TCEA3: variants seen among roughly 807,000 people sequenced by gnomAD.
The protein encoded by TCEA3 is transcription elongation factor A protein 3.
TCEA3 carries 36 observed loss-of-function variants against 44.0 expected under a neutral mutation model. The observed-to-expected ratio is 0.82, with a 90% CI of 0.63 to 1.08. The LOEUF is 1.08. TCEA3 is among the 50% of genes least tolerant of loss of function. The probability of loss-of-function intolerance (pLI) is 0.00; values close to 1 mark genes in which losing one functional copy is unlikely to be tolerated. For missense variants in TCEA3, 392 were observed against 441.2 expected (o/e 0.89, Z 1.00); for synonymous variants, 162 against 159.7 (o/e 1.01, Z -0.11).
chr1:23,420,326 C>G (rs983516467), intron 1 of TCEA3, among the ~76,000 whole-genome samples: 1 of 152,170 alleles, frequency 6.6e-6, no homozygotes, highest in African/African-American at 2.4e-5. Context: ...ACTGCAGCTT[C>G]GACTTTCCAG....
chr1:23,397,027 A>G (rs886305481), intron 7 of TCEA3, among the ~76,000 whole-genome samples: 11 of 145,664 alleles, frequency 7.6e-5, no homozygotes, highest in South Asian at 2.2e-4. Flanking sequence ...AAAAAAAAAA[A>G]GGGCGCTGTT....
chr1:23,414,385 TG>T (rs1179700357), intron 4 of TCEA3, among the ~76,000 whole-genome samples: 1 of 148,968 alleles, frequency 6.7e-6, no homozygotes, highest in East Asian at 2.0e-4. Flanking sequence ...CCACCGTGCC[TG>T]GCCCTTATCT....
chr1:23,406,809 AC>A (rs1260857416), intron 5 of TCEA3, among the ~76,000 whole-genome samples: 1 of 152,050 alleles, frequency 6.6e-6, no homozygotes, highest in Non-Finnish European at 1.5e-5. Context: ...TTTAGTGCAG[AC>A]GGGGTTTTGC....
intron 7 of TCEA3, among the ~76,000 whole-genome samples, chr1:23,395,637 C>T (rs1291507502): frequency 1.3e-5 from 2 of 152,020 alleles, no homozygotes; most frequent in East Asian, 1.9e-4. Flanking sequence ...ACCAGCCTGG[C>T]CAACATGGTG....
chr1:23,415,324 C>CT (rs919613434), intron 4 of TCEA3, among the ~76,000 whole-genome samples: 3 of 152,114 alleles, frequency 2.0e-5, no homozygotes, highest in Non-Finnish European at 4.4e-5. Context: ...CGCCCAGCCT[C>CT]TTTACTGTTC....
At position 23,424,717 on chromosome 1, in the gene TCEA3, C is replaced by T; in HGVS notation, c.-84G>A. The T allele has an allele frequency of 9.4e-7, 1 of 1,065,044 alleles. No homozygotes were observed. Among genetic ancestry groups the T allele is most frequent in the South Asian group, 1.4e-5 (1 of 70,848 alleles). The allele number at this position is 1,065,044 out of a possible 1,614,324, so 66.0% of individuals were successfully genotyped here. A position where few individuals can be genotyped will look rare whatever the true frequency, so the allele number is the denominator to read the frequency against. The stretch of plus-strand genomic sequence containing the variant: ...GCAGGAGGCGCGAAGGCGGAGGGCG[C>T]GCAACCCGCGCGGGCCCCAAACACA... On this transcript the variant is annotated 5_prime_UTR_variant, in exon 1 of 11. Transcript: ENST00000450454.
At chr1:23,405,705 T>C (rs534581047) in intron 5 of TCEA3, among the ~76,000 whole-genome samples, 19 of 152,186 alleles carry the variant, frequency 1.2e-4, no homozygotes, top group Non-Finnish European at 2.8e-4. Context: ...CAGATTCTGT[T>C]TGACTGACCT....
chr1:23,401,719 C>T lies in TCEA3; in HGVS notation c.444-3764G>A, dbSNP rs1185790709. ...AGAGGGACTTTTCAAAAATTCACAG[C>T]GGATCAAGTCACTCCCCTGCCTCTA... On this transcript the variant is annotated intron_variant, in intron 5 of 10. Coordinates refer to ENST00000450454, the MANE Select transcript of TCEA3 (RefSeq NM_003196.3). Among the ~76,000 whole-genome samples the T allele has an allele frequency of 3.3e-5, 5 of 152,224 alleles. No homozygotes were observed. The South Asian group carries it at 6.2e-4, about 19-fold the overall frequency.
intron 9 of TCEA3, 94 bp from the exon 10 acceptor site, chr1:23,384,511 G>A: frequency 2.3e-6 from 3 of 1,326,832 alleles, no homozygotes; most frequent in African/African-American, 1.5e-5. Context: ...AAATCCCAGA[G>A]GTTGGCACTG....
At chr1:23,385,129 T>C (rs1638795664) in intron 9 of TCEA3, among the ~76,000 whole-genome samples, 1 of 152,202 alleles carries the variant, frequency 6.6e-6, no homozygotes. Flanking sequence ...AGGAACCGGG[T>C]ATCCCACAGT....
chr1:23,407,020 C>A (rs1639563407), intron 5 of TCEA3, among the ~76,000 whole-genome samples: 1 of 152,202 alleles, frequency 6.6e-6, no homozygotes, highest in African/African-American at 2.4e-5. Flanking sequence ...GAATGACTAA[C>A]ACACGCCTCA....
intron 7 of TCEA3, among the ~76,000 whole-genome samples, chr1:23,394,554 T>C (rs2148555547): frequency 6.6e-6 from 1 of 152,334 alleles, no homozygotes; most frequent in East Asian, 1.9e-4. Context: ...GCCACATGTT[T>C]AAGGCTCTAC....
intron 5 of TCEA3, among the ~76,000 whole-genome samples, chr1:23,400,630 T>G (rs1639371451): frequency 1.3e-5 from 2 of 152,120 alleles, no homozygotes; most frequent in South Asian, 2.1e-4. Context: ...CACCTCCTTT[T>G]TCAATAACCC....
At chr1:23,420,306 A>G (rs1640020728) in intron 1 of TCEA3, among the ~76,000 whole-genome samples, 1 of 152,200 alleles carries the variant, frequency 6.6e-6, no homozygotes, top group African/African-American at 2.4e-5. Flanking sequence ...CAGTGGCACA[A>G]TCACAGTTCA....
chr1:23,383,992 A>T, intron 10 of TCEA3: 1 of 1,112,392 alleles, frequency 9.0e-7, no homozygotes, highest in Non-Finnish European at 1.1e-6. Flanking sequence ...CATCTGTGGA[A>T]GCACTTTCCA....
chr1:23,387,731 T>G (rs915101974), intron 8 of TCEA3, among the ~76,000 whole-genome samples: 2 of 152,208 alleles, frequency 1.3e-5, no homozygotes, highest in African/African-American at 4.8e-5. Flanking sequence ...GCCAGGACCT[T>G]GGCCTTGGCC....
chr1:23,397,005 CA>C (rs34931042), intron 7 of TCEA3, among the ~76,000 whole-genome samples: 9,012 of 68,374 alleles, frequency 0.13, 285 homozygotes, highest in African/African-American at 0.19. Flanking sequence ...AACTCCGTCT[CA>C]AAAAAAAAAA....
At chr1:23,417,103 AAG>A in intron 4 of TCEA3, 144 bp downstream of exon 4, 1 of 991,162 alleles carries the variant, frequency 1.0e-6, no homozygotes. Flanking sequence ...TGAGCCAAAG[AAG>A]ACCCCCAGAG....
At chr1:23,384,530 A>AC (rs1225034010) in intron 9 of TCEA3, 113 bp from the exon 10 acceptor site, 1 of 1,075,680 alleles carries the variant, frequency 9.3e-7, no homozygotes, top group Non-Finnish European at 1.3e-6. Context: ...TGAGATTCCC[A>AC]CCCCCCGCTG....
Sources: gnomAD v4.1 joint callset for allele counts (sites outside exome capture counted in the v4.1 genomes callset) on GRCh38, gnomAD v4.1.1 for gene constraint, MANE v1.5 for transcripts, NCBI Gene and HGNC (gene_info 2026-07-23, HGNC 2026-07-21) for gene names.